The following CTNND2 variants were observed in gnomAD, a reference collection of about 807,000 sequenced individuals.
CTNND2 encodes the protein catenin delta 2, also known as catenin delta-2.
Under a neutral mutation model 144.4 loss-of-function variants are expected in CTNND2, and 22 were observed. That is an observed-to-expected ratio of 0.15 (90% CI 0.11 to 0.22). The LOEUF (loss-of-function observed/expected upper bound fraction) is 0.22, where lower values mean the gene tolerates loss of function less well. Ranked by LOEUF, CTNND2 falls within the 10% of genes least tolerant of loss-of-function variation. The probability of loss-of-function intolerance (pLI) is 1.00; values close to 1 mark genes in which losing one functional copy is unlikely to be tolerated. For synonymous variants in CTNND2, 751 were observed against 695.6 expected (o/e 1.08, Z -1.25); for missense variants, 1,353 against 1,618.8 (o/e 0.84, Z 2.82).
chr5:11,247,074 ACT>A (rs1265162674), intron 9 of CTNND2, among the ~76,000 whole-genome samples: 1 of 152,098 alleles, frequency 6.6e-6, no homozygotes, highest in Non-Finnish European at 1.5e-5. Flanking sequence ...GCATCTATTG[ACT>A]CTCATAAACT....
At chr5:11,343,582 G>A (rs1220023646) in intron 9 of CTNND2, among the ~76,000 whole-genome samples, 1 of 152,014 alleles carries the variant, frequency 6.6e-6, no homozygotes, top group South Asian at 2.1e-4. Flanking sequence ...AAATAAAAAT[G>A]TTCGTGCCAA....
chr5:11,818,004 T>TTA (rs1554126308), intron 1 of CTNND2, among the ~76,000 whole-genome samples: 1 of 93,282 alleles, frequency 1.1e-5, no homozygotes, highest in Non-Finnish European at 2.1e-5. Flanking sequence ...TTTTTTTTTT[T>TTA]CAGTTCTCCT....
At chr5:11,140,598 C>CTGTAT (rs1561371701) in intron 12 of CTNND2, among the ~76,000 whole-genome samples, 4 of 152,062 alleles carry the variant, frequency 2.6e-5, no homozygotes, top group Non-Finnish European at 5.9e-5. Context: ...GCTACCAGTT[C>CTGTAT]CTACTGTGAT....
intron 1 of CTNND2, among the ~76,000 whole-genome samples, chr5:11,763,476 T>C (rs1011278730): frequency 6.6e-6 from 1 of 152,178 alleles, no homozygotes; most frequent in African/African-American, 2.4e-5. Flanking sequence ...ACAGGTTATT[T>C]GGCTTATTAA....
intron 2 of CTNND2, chr5:11,588,639 G>T: frequency 1.9e-6 from 1 of 516,570 alleles, no homozygotes; most frequent in Non-Finnish European, 2.5e-6. Flanking sequence ...TTAACCTGCA[G>T]TTTTAAAACT....
At chr5:11,549,349 G>T (rs1295288586) in intron 3 of CTNND2, among the ~76,000 whole-genome samples, 1 of 152,030 alleles carries the variant, frequency 6.6e-6, no homozygotes, top group South Asian at 2.1e-4. Context: ...ATGAACAAAC[G>T]AATGGATGGA....
chr5:11,515,127 C>T (rs997168992), intron 3 of CTNND2, among the ~76,000 whole-genome samples: 33 of 109,970 alleles, frequency 3.0e-4, no homozygotes, highest in African/African-American at 9.8e-4. Flanking sequence ...AAAAAAAAAA[C>T]GCATTTCCTA....
At chr5:11,015,586 T>C (rs1328182851) in intron 18 of CTNND2, among the ~76,000 whole-genome samples, 1 of 152,136 alleles carries the variant, frequency 6.6e-6, no homozygotes, top group Non-Finnish European at 1.5e-5. Context: ...CTAACAACAA[T>C]GAAAAACATT....
chr5:11,003,032 C>A (rs1380753773), intron 18 of CTNND2, among the ~76,000 whole-genome samples: 1 of 152,088 alleles, frequency 6.6e-6, no homozygotes, highest in Non-Finnish European at 1.5e-5. Flanking sequence ...TTAAAAAGTT[C>A]TGGAAGTTTT....
intron 16 of CTNND2, among the ~76,000 whole-genome samples, chr5:11,043,594 A>G (rs553436581): frequency 6.6e-6 from 1 of 152,368 alleles, no homozygotes; most frequent in East Asian, 1.9e-4. Context: ...AACAGAAGCA[A>G]AAAATGAGCT....
At chr5:10,974,353 A>G (rs1212700667) in intron 21 of CTNND2, among the ~76,000 whole-genome samples, 1 of 152,180 alleles carries the variant, frequency 6.6e-6, no homozygotes, top group Non-Finnish European at 1.5e-5. Context: ...ACTTTACCTC[A>G]ATGTAGCAAA....
chr5:11,550,077 C>T (rs1775628655), intron 3 of CTNND2, among the ~76,000 whole-genome samples: 1 of 152,190 alleles, frequency 6.6e-6, no homozygotes, highest in Admixed American at 6.5e-5. Flanking sequence ...GGAATACTTT[C>T]TCAGTGCCTA....
intron 2 of CTNND2, among the ~76,000 whole-genome samples, chr5:11,671,640 T>C (rs1408491270): frequency 6.6e-6 from 1 of 152,016 alleles, no homozygotes; most frequent in Non-Finnish European, 1.5e-5. Flanking sequence ...GTCATTTATG[T>C]TCTTCTCTAA....
At chr5:11,253,989 A>G (rs1465228305) in intron 9 of CTNND2, among the ~76,000 whole-genome samples, 1 of 152,134 alleles carries the variant, frequency 6.6e-6, no homozygotes, top group African/African-American at 2.4e-5. Flanking sequence ...ACCCAAAACT[A>G]TTTGTTATTT....
intron 9 of CTNND2, among the ~76,000 whole-genome samples, chr5:11,339,105 A>AT (rs557473400): frequency 0.19 from 1,427 of 7,600 alleles, 675 homozygotes; most frequent in Non-Finnish European, 0.2. Context: ...CGCCCGGCTA[A>AT]TTTTTTGTAT....
At chr5:11,771,866 G>A (rs202247649) in intron 1 of CTNND2, among the ~76,000 whole-genome samples, 4 of 152,252 alleles carry the variant, frequency 2.6e-5, no homozygotes, top group South Asian at 2.1e-4. Flanking sequence ...CCTATACCAC[G>A]TGAGGGCTTT....
At chr5:11,278,010 C>T (rs1346187815) in intron 9 of CTNND2, among the ~76,000 whole-genome samples, 1 of 152,172 alleles carries the variant, frequency 6.6e-6, no homozygotes, top group Admixed American at 6.5e-5. Context: ...TACTTCTTTT[C>T]TTAGGGACTT....
chr5:11,324,950 CTTT>C lies in CTNND2; in HGVS notation c.1628+21419_1628+21421del, dbSNP rs11381791. On this transcript the variant is annotated intron_variant, in intron 9 of 21. Coordinates refer to ENST00000304623, the MANE Select transcript of CTNND2 (RefSeq NM_001332.4). ...CCAGCTTTCAACTTAATGCATTATC[CTTT>C]TTTTTTTTTTGTCTAAAGAGTGAAA... is the stretch of plus-strand genomic sequence containing the variant. Among the ~76,000 whole-genome samples, 1,263 of 146,664 alleles carry C rather than the reference CTTT, an allele frequency of 8.6e-3. 14 individuals carry two copies. Among genetic ancestry groups the C allele is most frequent in the African/African-American group, 0.024 (950 of 40,164 alleles).
intron 3 of CTNND2, among the ~76,000 whole-genome samples, chr5:11,413,637 C>G (rs1328334335): frequency 6.6e-6 from 1 of 152,130 alleles, no homozygotes; most frequent in Admixed American, 6.5e-5. Flanking sequence ...TACTAGAGAC[C>G]TACAAGATGA....
Sources: gnomAD v4.1 joint callset for allele counts (sites outside exome capture counted in the v4.1 genomes callset) on GRCh38, gnomAD v4.1.1 for gene constraint, MANE v1.5 for transcripts, NCBI Gene and HGNC (gene_info 2026-07-23, HGNC 2026-07-21) for gene names.